The following ARHGAP18 variants were observed in gnomAD, a reference collection of about 807,000 sequenced individuals.
ARHGAP18 encodes rho GTPase-activating protein 18.
A neutral mutation model predicts 86.2 loss-of-function variants in ARHGAP18; 67 were observed. That is an observed-to-expected ratio of 0.78 (90% confidence interval 0.64 to 0.95). The LOEUF (loss-of-function observed/expected upper bound fraction) is 0.95. Among genes scored for constraint, ARHGAP18 ranks in the 40% least tolerant of loss-of-function variants. ARHGAP18 has a pLI of 0.00. For missense variants in ARHGAP18, 691 were observed against 780.4 expected, an observed-to-expected ratio of 0.89 and a Z score of 1.37; for synonymous variants, 283 against 280.4, an observed-to-expected ratio of 1.01 and a Z score of -0.09.
intron 1 of ARHGAP18, among the ~76,000 whole-genome samples, chr6:129,644,168 T>A (rs1283461052): frequency 6.6e-6 from 1 of 152,150 alleles, no homozygotes. Context: ...TCCTTAAGTC[T>A]CCATTGTTCA....
chr6:129,610,114 G>A (rs1028655876), intron 8 of ARHGAP18, among the ~76,000 whole-genome samples: 3 of 152,208 alleles, frequency 2.0e-5, no homozygotes, highest in Non-Finnish European at 4.4e-5. Flanking sequence ...CAATGTATTG[G>A]ATGTGGGCAG....
intron 1 of ARHGAP18, among the ~76,000 whole-genome samples, chr6:129,685,799 C>T (rs1774414322): frequency 1.3e-5 from 2 of 150,260 alleles, no homozygotes; most frequent in Non-Finnish European, 3.0e-5. Flanking sequence ...CTGATCTACA[C>T]ACAAAAATGA....
chr6:129,580,165 C>T, intron 13 of ARHGAP18, 34 bp from the exon 14 acceptor site: 1 of 1,571,720 alleles, frequency 6.4e-7, no homozygotes, highest in South Asian at 1.1e-5. Context: ...TTAGTTGTAT[C>T]ATCAAACAGC....
At chr6:129,691,305 T>C (rs1774524709) in intron 1 of ARHGAP18, among the ~76,000 whole-genome samples, 1 of 152,104 alleles carries the variant, frequency 6.6e-6, no homozygotes, top group African/African-American at 2.4e-5. Context: ...CCTAGAGAAC[T>C]CCACTTACAG....
At chr6:129,688,764 C>A (rs750274937) in intron 1 of ARHGAP18, among the ~76,000 whole-genome samples, 9 of 151,004 alleles carry the variant, frequency 6.0e-5, no homozygotes, top group Non-Finnish European at 1.3e-4. Context: ...TGCCCTCCAG[C>A]CTGGGCAACA....
intron 8 of ARHGAP18, among the ~76,000 whole-genome samples, chr6:129,610,440 C>T (rs983106056): frequency 3.9e-5 from 6 of 152,180 alleles, no homozygotes; most frequent in Non-Finnish European, 7.4e-5. Flanking sequence ...GAAGGGATGG[C>T]TCAAATTGGG....
rs771211647 is a variant in ARHGAP18 at position 129,599,292 on chromosome 6, C to T, written c.1637G>A (p.Arg546Lys). 17 of 1,594,886 alleles carry T rather than the reference C, an allele frequency of 1.1e-5. No homozygotes were observed. Among genetic ancestry groups the T allele is most frequent in the Non-Finnish European group, 1.4e-5 (16 of 1,172,972 alleles). Residue 546 changes from arginine (R) to lysine (K), a missense_variant, in exon 12 of 15, where the codon AGA (arginine) becomes AAA (lysine). By Grantham distance (26) the Arg-to-Lys change is conservative. Transcript: ENST00000368149. ...QNTENHKKDK[R>K]AMKKLLKKMA... ...TTTCTTCAGCAATTTCTTCATGGCT[C>T]TTTTATCCTTTTTATGATTTTCCGT...
At chr6:129,669,539 A>G (rs1397111675) in intron 1 of ARHGAP18, among the ~76,000 whole-genome samples, 1 of 150,730 alleles carries the variant, frequency 6.6e-6, no homozygotes, top group Non-Finnish European at 1.5e-5. Flanking sequence ...TAATCCCAGC[A>G]CTTTGGGAGG....
chr6:129,604,525 G>T (rs1788813650), intron 10 of ARHGAP18, among the ~76,000 whole-genome samples: 1 of 152,124 alleles, frequency 6.6e-6, no homozygotes, highest in Admixed American at 6.6e-5. Flanking sequence ...CCCTATTTCT[G>T]AGTAGTTGAA....
At chr6:129,608,624 A>G (rs990319289) in intron 8 of ARHGAP18, among the ~76,000 whole-genome samples, 3 of 152,214 alleles carry the variant, frequency 2.0e-5, no homozygotes, top group Non-Finnish European at 2.9e-5. Flanking sequence ...GCTGCAAAAA[A>G]CAGTCTGAGT....
In ARHGAP18 at chr6:129,607,901, G is replaced by A. The variant is rs745331619; in HGVS notation, c.1274C>T (p.Ala425Val). The change falls in exon 9 of 15, where the codon GCT becomes GTT. Residue 425 changes from alanine (A) to valine (V), a missense_variant. By Grantham distance (64) the Ala-to-Val change is moderately conservative (BLOSUM62 0). Transcript: ENST00000368149. ...LSVEYLKAFQ[A>V]VQNLPTKKQQ... ...AGAGGGATAGCACTTACTCTGGACA[G>A]CCTGAAAGGCTTTGAGATACTCCAC... The A allele has an allele frequency of 2.5e-6, 4 of 1,605,162 alleles. No homozygotes were observed. The African/African-American group carries it at 4.0e-5, about 16-fold the overall frequency.
chr6:129,707,189 C>A (rs192513231), intron 1 of ARHGAP18, among the ~76,000 whole-genome samples: 1 of 151,498 alleles, frequency 6.6e-6, no homozygotes, highest in Non-Finnish European at 1.5e-5. Flanking sequence ...GCCAAGAGTG[C>A]GCCATTGTGC....
intron 7 of ARHGAP18, among the ~76,000 whole-genome samples, chr6:129,612,576 A>T (rs894906057): frequency 1.1e-4 from 16 of 152,206 alleles, no homozygotes; most frequent in South Asian, 4.1e-4. Context: ...AAAAAAAAAA[A>T]TTTTCAGGGA....
intron 13 of ARHGAP18, 52 bp from the exon 14 acceptor site, chr6:129,580,183 T>C (rs756192472): frequency 1.3e-6 from 2 of 1,493,438 alleles, no homozygotes; most frequent in Non-Finnish European, 9.3e-7. Context: ...AGCTTGCAAG[T>C]AAATCACTTT....
intron 5 of ARHGAP18, among the ~76,000 whole-genome samples, chr6:129,625,313 TGTA>T (rs1463195027): frequency 1.9e-4 from 15 of 77,052 alleles, no homozygotes; most frequent in African/African-American, 7.3e-4. Flanking sequence ...TATATTTATA[TGTA>T]ATATATATGA....
At chr6:129,625,318 T>TATATATG (rs1422422989) in intron 5 of ARHGAP18, among the ~76,000 whole-genome samples, 1 of 50,570 alleles carries the variant, frequency 2.0e-5, no homozygotes, top group Non-Finnish European at 3.7e-5. Context: ...TTATATGTAA[T>TATATATG]ATATATGATA....
intron 1 of ARHGAP18, among the ~76,000 whole-genome samples, chr6:129,698,912 T>G (rs1435640711): frequency 6.6e-6 from 1 of 151,984 alleles, no homozygotes; most frequent in African/African-American, 2.4e-5. Context: ...AGGCTGGTCT[T>G]GAATCACTGA....
intron 1 of ARHGAP18, among the ~76,000 whole-genome samples, chr6:129,690,194 C>A (rs184927951): frequency 3.9e-5 from 6 of 151,994 alleles, no homozygotes; most frequent in Admixed American, 1.3e-4. Flanking sequence ...TAAAAATGCA[C>A]CAACAATGTA....
chr6:129,687,297 T>C lies in ARHGAP18; in HGVS notation c.113+22727A>G, dbSNP rs575493505. On this transcript the variant is annotated intron_variant, in intron 1 of 14. Coordinates refer to ENST00000368149, the MANE Select transcript of ARHGAP18 (RefSeq NM_033515.3). ...ACCAGTTTCCAACATTCCAAATTAC[T>C]GCAAATGCCAGAAACTACAAATGTT... Among the ~76,000 whole-genome samples, 7 of 152,280 alleles carry C rather than the reference T, an allele frequency of 4.6e-5. No homozygotes were observed. In the East Asian group the frequency reaches 1.2e-3, roughly 25 times the overall value.
Sources: gnomAD v4.1 joint callset for allele counts (sites outside exome capture counted in the v4.1 genomes callset) on GRCh38, gnomAD v4.1.1 for gene constraint, MANE v1.5 for transcripts, NCBI Gene and HGNC (gene_info 2026-07-23, HGNC 2026-07-21) for gene names.